WRN: variants seen among roughly 807,000 people sequenced by gnomAD.
WRN encodes bifunctional 3'-5' exonuclease/ATP-dependent helicase WRN.
WRN carries 149 observed loss-of-function variants against 180.7 expected under a neutral mutation model. The ratio of observed to expected loss-of-function variants is 0.82; its 90% CI spans 0.72 to 0.94. The LOEUF is 0.94. Ranked by LOEUF, WRN falls within the 40% of genes least tolerant of loss-of-function variation. The pLI is 0.00. For synonymous variants in WRN, 548 were observed against 568.9 expected (o/e 0.96, Z 0.52); for missense variants, 1,661 against 1,700.1 (o/e 0.98, Z 0.40).
chr8:31,121,812 A>G (rs1344349336), intron 21 of WRN, among the ~76,000 whole-genome samples: 4 of 151,998 alleles, frequency 2.6e-5, no homozygotes, highest in Non-Finnish European at 5.9e-5. Context: ...ATAGAAGATG[A>G]CAAAACCATC....
At chr8:31,154,531 T>C in intron 31 of WRN, 93 bp from the exon 32 acceptor site, 1 of 1,427,908 alleles carries the variant, frequency 7.0e-7, no homozygotes, top group Non-Finnish European at 9.5e-7. Context: ...GTTTAACTTG[T>C]GTTATTTTTT....
chr8:31,046,007 G>A (rs1247131346), intron 1 of WRN, among the ~76,000 whole-genome samples: 1 of 152,020 alleles, frequency 6.6e-6, no homozygotes, highest in Non-Finnish European at 1.5e-5. Context: ...TCTTTAAAAT[G>A]GATCTTGTAT....
At chr8:31,058,669 A>C in intron 2 of WRN, 126 bp downstream of exon 2, 1 of 905,576 alleles carries the variant, frequency 1.1e-6, no homozygotes, top group Admixed American at 2.1e-5. Context: ...GTCTAAATGC[A>C]CCAGGACCTA....
intron 11 of WRN, among the ~76,000 whole-genome samples, chr8:31,086,230 T>G (rs1813526062): frequency 6.6e-6 from 1 of 152,086 alleles, no homozygotes; most frequent in Admixed American, 6.6e-5. Flanking sequence ...TGAGATTAAT[T>G]TATTGACTTT....
At chr8:31,096,949 T>G in intron 17 of WRN, 99 bp downstream of exon 17, 1 of 1,119,212 alleles carries the variant, frequency 8.9e-7, no homozygotes. Context: ...TAAAGTTTAT[T>G]TCAAACATTA....
intron 34 of WRN, among the ~76,000 whole-genome samples, chr8:31,171,935 A>G (rs973507553): frequency 2.0e-5 from 3 of 152,190 alleles, no homozygotes; most frequent in Non-Finnish European, 2.9e-5. Flanking sequence ...AAAATCCCTC[A>G]GTTACTTTTA....
At chr8:31,115,990 C>T (rs998999072) in intron 19 of WRN, among the ~76,000 whole-genome samples, 1 of 152,146 alleles carries the variant, frequency 6.6e-6, no homozygotes, top group Non-Finnish European at 1.5e-5. Context: ...CCTTTGTAAA[C>T]CCTCACCAGA....
chr8:31,159,634 T>G (rs1001381451), intron 33 of WRN, among the ~76,000 whole-genome samples: 1 of 151,154 alleles, frequency 6.6e-6, no homozygotes, highest in African/African-American at 2.4e-5. Flanking sequence ...CCCAAAAAAT[T>G]ATATCTATTA....
At chr8:31,088,067 T>C in intron 12 of WRN, 147 bp downstream of exon 12, 1 of 1,399,854 alleles carries the variant, frequency 7.1e-7, no homozygotes, top group Non-Finnish European at 9.6e-7. Flanking sequence ...GTCTCCTTAG[T>C]GCTTTTGTCT....
chr8:31,132,096 C>T (rs1487542790), intron 23 of WRN, among the ~76,000 whole-genome samples: 1 of 150,492 alleles, frequency 6.6e-6, no homozygotes, highest in Non-Finnish European at 1.5e-5. Context: ...TTATTCCTTT[C>T]TGTGGTCTGA....
rs1812787079 is a variant in WRN, at chr8:31,068,340, C to G, written c.724+13C>G. 2 of 1,589,506 alleles carry G rather than the reference C, an allele frequency of 1.3e-6. No homozygotes were observed. Among genetic ancestry groups the G allele is most frequent in the Non-Finnish European group, 1.7e-6 (2 of 1,160,008 alleles). On this transcript the variant is annotated intron_variant, in intron 7 of 34. Coordinates refer to ENST00000298139, the MANE Select transcript of WRN (RefSeq NM_000553.6). ...GCTATAAATAAAGGTATGTTAAGATCCATAAATAAAATGTGAATTCACTCT... is the reference window on the plus strand; with the variant it reads ...GCTATAAATAAAGGTATGTTAAGATGCATAAATAAAATGTGAATTCACTCT...
At chr8:31,165,561 G>A (rs1803823973) in intron 33 of WRN, among the ~76,000 whole-genome samples, 1 of 151,914 alleles carries the variant, frequency 6.6e-6, no homozygotes, top group South Asian at 2.1e-4. Context: ...AATTATTAAT[G>A]AGATATTTTA....
rs556210445 is a variant in WRN, at chr8:31,175,804, T to C, written c.*2702T>C. The stretch of plus-strand genomic sequence containing the variant: ...GCCAGACAATGAGATTTGCAAAATG[T>C]AAACAATGCTGCTGTTCTCAGTTTT... On this transcript the variant is annotated 3_prime_UTR_variant, in exon 35 of 35. Transcript: ENST00000298139. 6.6e-6 allele frequency among the ~76,000 whole-genome samples: 1 copy of C among 152,250 alleles called. No individual in the cohort carries two copies. The highest frequency in any genetic ancestry group is 1.5e-5 in the Non-Finnish European group (1 of 68,042).
chr8:31,160,864 A>AT (rs1483336489), intron 33 of WRN, among the ~76,000 whole-genome samples: 1 of 152,028 alleles, frequency 6.6e-6, no homozygotes, highest in East Asian at 1.9e-4. Context: ...CACACCTGTA[A>AT]TCCCAGCTAC....
At chr8:31,152,431 A>AG (rs1308085561) in intron 31 of WRN, among the ~76,000 whole-genome samples, 1 of 152,148 alleles carries the variant, frequency 6.6e-6, no homozygotes, top group Non-Finnish European at 1.5e-5. Context: ...GTTAGAAAAT[A>AG]TCTAAGGATG....
At position 31,174,524 on chromosome 8, in the gene WRN, G is replaced by A. The variant is rs1052307648; in HGVS notation, c.*1422G>A. Among the ~76,000 whole-genome samples, 1 of 152,158 alleles carries A rather than the reference G, an allele frequency of 6.6e-6. No homozygotes were observed. The highest frequency in any genetic ancestry group is 1.5e-5 in the Non-Finnish European group (1 of 68,028). ...ATTGAACTAAGTTGGCCTCTTCACG[G>A]AAAACAACTGGTATTTGTTGTGCCA... is the stretch of plus-strand genomic sequence containing the variant. On this transcript the variant is annotated 3_prime_UTR_variant, in exon 35 of 35. Coordinates refer to ENST00000298139, the MANE Select transcript of WRN (RefSeq NM_000553.6).
intron 1 of WRN, among the ~76,000 whole-genome samples, chr8:31,055,046 T>C (rs1418725497): frequency 6.6e-6 from 1 of 152,256 alleles, no homozygotes; most frequent in Non-Finnish European, 1.5e-5. Flanking sequence ...GCAAAGTACA[T>C]GATCGTGTTC....
At chr8:31,110,244 A>G (rs577216398) in intron 18 of WRN, among the ~76,000 whole-genome samples, 9 of 152,264 alleles carry the variant, frequency 5.9e-5, no homozygotes, top group East Asian at 3.9e-4. Context: ...AGAGAAACCA[A>G]CCTCTTTATA....
rs769961391 is a variant in WRN, at chr8:31,147,368, T to C, written c.3464T>C (p.Val1155Ala). 8.1e-6 allele frequency: 13 copies of C among 1,613,826 alleles called. No individual in the cohort carries two copies. Among genetic ancestry groups the C allele is most frequent in the African/African-American group, 8.0e-5 (6 of 74,908 alleles). The change falls in exon 30 of 35, where the codon GTG becomes GCG. Residue 1155 changes from valine (V) to alanine (A), a missense_variant. This residue lies in a region of WRN where 1,141 missense variants were observed against 1,149.4 expected (regional missense o/e 0.99). Transcript: ENST00000298139. ...ISAQEQETQI[V>A]LYGKLVEARQ... ...GTTTCTTTGTTTTTTGTTCAGATTG[T>C]GTTATATGGCAAATTGGTAGAAGCT...
Sources: gnomAD v4.1 joint callset for allele counts (sites outside exome capture counted in the v4.1 genomes callset) on GRCh38, gnomAD v4.1.1 for gene constraint, gnomAD v4.1.1 regional missense constraint, MANE v1.5 for transcripts, NCBI Gene and HGNC (gene_info 2026-07-23, HGNC 2026-07-21) for gene names.